Variants in PON1 observed in about 807,000 individuals in gnomAD.
The protein encoded by PON1 is serum paraoxonase/arylesterase 1.
PON1 carries 37 observed loss-of-function variants against 39.2 expected under a neutral mutation model. The ratio of observed to expected loss-of-function variants is 0.94; its 90% CI spans 0.73 to 1.24. PON1 has a LOEUF of 1.24. Among genes scored for constraint, PON1 ranks in the 50% most tolerant of loss-of-function variants. The pLI, the probability that PON1 is intolerant of heterozygous loss-of-function variation, is 0.00. For synonymous variants in PON1, 148 were observed against 152.2 expected (o/e 0.97, Z 0.21); for missense variants, 397 against 413.5 (o/e 0.96, Z 0.35).
chr7:95,302,260 T>C lies in PON1; in HGVS notation c.854A>G (p.His285Arg). Residue 285 changes from histidine to arginine, a missense_variant, in exon 8 of 9, where the codon CAT (histidine) becomes CGT (arginine). By Grantham distance (29) the His-to-Arg change is conservative. Coordinates refer to ENST00000222381, the MANE Select transcript of PON1 (RefSeq NM_000446.7). Reference protein sequence around the residue: ...PETGDLWVGCHPNGMKIFFYD... With the variant: ...PETGDLWVGCRPNGMKIFFYD... ...GAAGAAGATTTTCATGCCATTGGGA[T>C]GGCATCCAACCCAAAGGTCTCCTGT... The C allele has an allele frequency of 1.9e-6, 3 of 1,611,640 alleles. No homozygotes were observed. The highest frequency in any genetic ancestry group is 2.5e-6 in the Non-Finnish European group (3 of 1,177,886).
intron 1 of PON1, 120 bp from the exon 2 acceptor site, chr7:95,318,513 A>G: frequency 2.3e-6 from 2 of 883,258 alleles, no homozygotes; most frequent in South Asian, 2.8e-5. Context: ...TCAACTCCAG[A>G]GTTTTTCCTG....
At chr7:95,301,576 C>T (rs778537008) in intron 8 of PON1, among the ~76,000 whole-genome samples, 2 of 152,130 alleles carry the variant, frequency 1.3e-5, no homozygotes, top group Non-Finnish European at 2.9e-5. Flanking sequence ...TTTCCTCCCT[C>T]CCTTGCTAGC....
intron 2 of PON1, among the ~76,000 whole-genome samples, chr7:95,317,852 A>G (rs960722643): frequency 6.6e-6 from 1 of 152,088 alleles, no homozygotes; most frequent in Non-Finnish European, 1.5e-5. Flanking sequence ...GACAAATAAG[A>G]TCTAAGGGGA....
Position 95,298,822 on chromosome 7 carries a change from T to A in PON1, c.*122A>T. 8.1e-7 allele frequency: 1 copy of A among 1,234,874 alleles called. No individual in the cohort carries two copies. The highest frequency in any genetic ancestry group is 1.2e-5 in the South Asian group (1 of 80,490). The allele number at this position is 1,234,874 out of a possible 1,614,324, so 76.5% of individuals were successfully genotyped here. A position where few individuals can be genotyped will look rare whatever the true frequency, so the allele number is the denominator to read the frequency against. ...TCCCAGTTAAACAGTGCTTTGATGCTTCATGATGTCCACATTTAGGGTCAG... is the reference window on the plus strand; with the variant it reads ...TCCCAGTTAAACAGTGCTTTGATGCATCATGATGTCCACATTTAGGGTCAG... On this transcript the variant is annotated 3_prime_UTR_variant, in exon 9 of 9. Transcript: ENST00000222381.
At chr7:95,323,115 G>C (rs1257913128) in intron 1 of PON1, among the ~76,000 whole-genome samples, 3 of 152,140 alleles carry the variant, frequency 2.0e-5, no homozygotes, top group African/African-American at 7.2e-5. Flanking sequence ...GGTAGGGCTT[G>C]AGATTCTGCC....
At chr7:95,316,831 A>T in intron 2 of PON1, 42 bp from the exon 3 acceptor site, 1 of 1,509,470 alleles carries the variant, frequency 6.6e-7, no homozygotes, top group South Asian at 1.1e-5. Context: ...GTTTCATATT[A>T]TTGCAGGATG....
intron 1 of PON1, among the ~76,000 whole-genome samples, chr7:95,320,958 A>G (rs1807883862): frequency 6.6e-6 from 1 of 152,204 alleles, no homozygotes; most frequent in African/African-American, 2.4e-5. Flanking sequence ...ACTGATAAAG[A>G]AAAAAGGTTT....
At chr7:95,321,612 G>A (rs943536242) in intron 1 of PON1, among the ~76,000 whole-genome samples, 1 of 152,182 alleles carries the variant, frequency 6.6e-6, no homozygotes, top group African/African-American at 2.4e-5. Flanking sequence ...GCACTGAGAG[G>A]CTGAGTAAAT....
At position 95,306,315 on chromosome 7, in the gene PON1, C is replaced by G. The variant is rs760851147; in HGVS notation, c.750G>C (p.Lys250Asn). 6.2e-7 allele frequency: 1 copy of G among 1,612,702 alleles called. No homozygotes were observed. Among genetic ancestry groups the G allele is most frequent in the Non-Finnish European group, 8.5e-7 (1 of 1,178,946 alleles). The change falls in exon 7 of 9, where the codon AAG (lysine) becomes AAC (asparagine). Residue 250 changes from lysine to asparagine, a missense_variant. Physicochemically the swap from Lys to Asn is moderately conservative, Grantham distance 94. Coordinates refer to ENST00000222381, the MANE Select transcript of PON1 (RefSeq NM_000446.7). ...LLAHKIHVYE[K>N]HANWTLTPLK... ...ATGGAGTTAAAGTCCAATTAGCATG[C>G]TTTTCATACACATGAATCTTATGAG...
chr7:95,308,671 CATTT>C (rs1807594429), intron 5 of PON1, among the ~76,000 whole-genome samples: 2 of 152,148 alleles, frequency 1.3e-5, no homozygotes, highest in African/African-American at 4.8e-5. Context: ...TGGATACTTG[CATTT>C]TAGTTTAAGC....
At chr7:95,315,227 T>C (rs185184748) in intron 4 of PON1, 95 bp downstream of exon 4, 2 of 1,146,280 alleles carry the variant, frequency 1.7e-6, no homozygotes, top group African/African-American at 1.5e-5. Context: ...GACTATGCTT[T>C]GTTTGAATGA....
rs1807299909 is a variant in PON1, at chr7:95,297,780, A to C, written c.*1164T>G. On this transcript the variant is annotated 3_prime_UTR_variant, in exon 9 of 9. Transcript: ENST00000222381. ...GCACTCCAGCCTGGGCAACAGAGTG[A>C]GATTCGGTCTCAAAAACAAAACAAA... 6.6e-6 allele frequency: 1 copy of C among 152,214 alleles called. No homozygotes were observed. Among genetic ancestry groups the C allele is most frequent in the South Asian group, 2.1e-4 (1 of 4,832 alleles). 9.4% of individuals were successfully genotyped at this position (152,214 alleles called of 1,614,324 possible).
chr7:95,318,168 A>G (rs1359026223), intron 2 of PON1, among the ~76,000 whole-genome samples, 155 bp downstream of exon 2: 1 of 151,848 alleles, frequency 6.6e-6, no homozygotes, highest in African/African-American at 2.4e-5. Flanking sequence ...GGTGAAGTCA[A>G]AAGTCAAACA....
chr7:95,303,640 G>A (rs1214739272), intron 7 of PON1, among the ~76,000 whole-genome samples: 1 of 152,158 alleles, frequency 6.6e-6, no homozygotes, highest in African/African-American at 2.4e-5. Flanking sequence ...GTACCCAGCA[G>A]ACACAGCTCA....
rs1807777354 is a variant in PON1 at position 95,316,749 on chromosome 7, C to T, written c.186G>A (p.Leu62=). The T allele has an allele frequency of 6.2e-7, 1 of 1,613,310 alleles. No individual in the cohort carries two copies. The highest frequency in any genetic ancestry group is 1.3e-5 in the African/African-American group (1 of 74,862). Reference sequence around the variant, plus strand: ...AAACACTCACAGAGCTAATGAAAGCCAGTCCATTAGGCAGTATCTCCAAGT... The same window carrying T: ...AAACACTCACAGAGCTAATGAAAGCTAGTCCATTAGGCAGTATCTCCAAGT... ...SEDLEILPNG[L]AFISSGLKYP... The change falls in exon 3 of 9, where the codon CTG becomes CTA. Residue 62 remains leucine (L), a synonymous_variant. Transcript: ENST00000222381.
rs11343146 is a variant in PON1, at chr7:95,318,085, CTTTTTTT to C, written c.145+231_145+237del. Among the ~76,000 whole-genome samples the C allele has an allele frequency of 6.9e-5, 9 of 131,172 alleles. No homozygotes were observed. In the Admixed American group the frequency reaches 7.0e-4, roughly 10 times the overall value. 86.1% of individuals were successfully genotyped at this position (131,172 alleles called of 152,430 possible). On this transcript the variant is annotated intron_variant, in intron 2 of 8. Transcript: ENST00000222381. ...TTCTATTTTTCTTTTTTCTTTTTTTCTTTTTTTTTTTTTTGCTCTATTGATCAAACAA... is the reference window on the plus strand; with the variant it reads ...TTCTATTTTTCTTTTTTCTTTTTTTCTTTTTTTGCTCTATTGATCAAACAA...
chr7:95,299,183 A>G (rs1391389626), intron 8 of PON1, 81 bp from the exon 9 acceptor site: 7 of 1,356,120 alleles, frequency 5.2e-6, no homozygotes, highest in Non-Finnish European at 7.4e-6. Flanking sequence ...CATCCTCCAT[A>G]AGAAGCCATA....
intron 7 of PON1, among the ~76,000 whole-genome samples, chr7:95,305,003 G>T (rs983452536): frequency 6.6e-6 from 1 of 152,044 alleles, no homozygotes; most frequent in African/African-American, 2.4e-5. Context: ...TAAAACCGCA[G>T]CTTGTTTTTT....
At position 95,302,301 on chromosome 7, in the gene PON1, T is replaced by TA. The variant is rs1348954881; in HGVS notation, c.812dup (p.Ser272IlefsTer5). On this transcript the variant is annotated frameshift_variant, in exon 8 of 9. Transcript: ENST00000222381. LOFTEE classifies it high-confidence loss of function. ...GGTCTCCTGTCTCAGGATCCACAGA[T>TA]ATGTTATCCACGAGGGTATTAAAGT... The TA allele has an allele frequency of 1.2e-6, 2 of 1,607,724 alleles. No homozygotes were observed. The highest frequency in any genetic ancestry group is 1.7e-6 in the Non-Finnish European group (2 of 1,174,516).
Sources: gnomAD v4.1 joint callset for allele counts (sites outside exome capture counted in the v4.1 genomes callset) on GRCh38, gnomAD v4.1.1 for gene constraint, MANE v1.5 for transcripts, NCBI Gene and HGNC (gene_info 2026-07-23, HGNC 2026-07-21) for gene names.